The following MSH3 variants were observed in gnomAD, a reference collection of about 807,000 sequenced individuals.
The protein encoded by MSH3 is DNA mismatch repair protein Msh3.
MSH3 carries 106 observed loss-of-function variants against 123.3 expected under a neutral mutation model. That is an observed-to-expected ratio of 0.86 (90% confidence interval 0.73 to 1.01). The LOEUF (loss-of-function observed/expected upper bound fraction) is 1.01. Among genes scored for constraint, MSH3 ranks in the 50% least tolerant of loss-of-function variants. The probability of loss-of-function intolerance (pLI) is 0.00; values close to 1 mark genes in which losing one functional copy is unlikely to be tolerated. For synonymous variants in MSH3, 515 were observed against 481.4 expected, an observed-to-expected ratio of 1.07 and a Z score of -0.91; for missense variants, 1,459 against 1,347.6, an observed-to-expected ratio of 1.08 and a Z score of -1.29.
Position 80,761,679 on chromosome 5 carries a change from G to T in MSH3, c.1896+1G>T, listed in dbSNP as rs1330593620. On this transcript the variant is annotated splice_donor_variant, in intron 13 of 23. Coordinates refer to ENST00000265081, the MANE Select transcript of MSH3 (RefSeq NM_002439.5). LOFTEE classifies it high-confidence loss of function. ...ACTCTGTAGCATTTATCACAAAAAA[G>T]TAAGTGTGATAGAAATCTATTAAAG... is the stretch of plus-strand genomic sequence containing the variant. The T allele has an allele frequency of 6.2e-7, 1 of 1,614,038 alleles. No homozygotes were observed. Among genetic ancestry groups the T allele is most frequent in the Non-Finnish European group, 8.5e-7 (1 of 1,179,972 alleles).
At chr5:80,655,048 C>T (rs1749230445) in intron 1 of MSH3, 84 bp downstream of exon 1, 1 of 779,756 alleles carries the variant, frequency 1.3e-6, no homozygotes, top group Non-Finnish European at 1.9e-6. Context: ...CGGGGACCCT[C>T]CGCCCGATGA....
chr5:80,731,012 C>T (rs1339354341), intron 10 of MSH3, among the ~76,000 whole-genome samples: 2 of 150,610 alleles, frequency 1.3e-5, no homozygotes, highest in African/African-American at 2.4e-5. Context: ...AAGCAATTCT[C>T]CTGCCTCCAC....
intron 4 of MSH3, among the ~76,000 whole-genome samples, chr5:80,671,818 A>G (rs1425520341): frequency 1.3e-5 from 2 of 152,076 alleles, no homozygotes; most frequent in Non-Finnish European, 2.9e-5. Flanking sequence ...TTACTTTTTC[A>G]ATGATTTCTC....
At chr5:80,708,539 C>T (rs1750770428) in intron 8 of MSH3, among the ~76,000 whole-genome samples, 1 of 151,980 alleles carries the variant, frequency 6.6e-6, no homozygotes, top group African/African-American at 2.4e-5. Flanking sequence ...CTCTCTGCAT[C>T]CTTGAACTCC....
intron 8 of MSH3, among the ~76,000 whole-genome samples, chr5:80,710,111 T>C (rs1486516881): frequency 6.6e-6 from 1 of 152,270 alleles, no homozygotes; most frequent in Non-Finnish European, 1.5e-5. Context: ...TATTAGATAC[T>C]GTTTTAAAGG....
chr5:80,800,733 A>G (rs1423486324), intron 19 of MSH3, among the ~76,000 whole-genome samples: 1 of 152,164 alleles, frequency 6.6e-6, no homozygotes, highest in East Asian at 1.9e-4. Flanking sequence ...TGATCTATTT[A>G]TTGGGTGCCT....
intron 15 of MSH3, among the ~76,000 whole-genome samples, chr5:80,772,940 ACT>A (rs1744237036): frequency 6.6e-6 from 1 of 151,726 alleles, no homozygotes; most frequent in Non-Finnish European, 1.5e-5. Flanking sequence ...TGCCTTCCTG[ACT>A]CTCGCTGTTT....
chr5:80,777,284 CT>C (rs1318057970), intron 16 of MSH3, among the ~76,000 whole-genome samples: 1,858 of 146,242 alleles, frequency 0.013, 34 homozygotes, highest in African/African-American at 0.042. Flanking sequence ...CTAATACCAT[CT>C]TTTTTTTTTT....
chr5:80,765,564 A>G (rs1450285887), intron 13 of MSH3, among the ~76,000 whole-genome samples: 1 of 152,124 alleles, frequency 6.6e-6, no homozygotes, highest in Non-Finnish European at 1.5e-5. Context: ...ACTATCTATT[A>G]TGTGCCTTAT....
At chr5:80,731,207 T>G (rs542822982) in intron 10 of MSH3, among the ~76,000 whole-genome samples, 14 of 152,110 alleles carry the variant, frequency 9.2e-5, no homozygotes, top group Non-Finnish European at 1.3e-4. Context: ...CCGGCCTGTC[T>G]TCCTCATATT....
At chr5:80,756,729 A>AACAATTAT (rs1311310514) in intron 12 of MSH3, among the ~76,000 whole-genome samples, 14 of 152,196 alleles carry the variant, frequency 9.2e-5, no homozygotes, top group Non-Finnish European at 1.3e-4. Flanking sequence ...TAGACTAGCA[A>AACAATTAT]AGCTCTGTTA....
At chr5:80,833,813 A>G (rs533277649) in intron 20 of MSH3, among the ~76,000 whole-genome samples, 18 of 152,366 alleles carry the variant, frequency 1.2e-4, no homozygotes, top group African/African-American at 4.1e-4. Context: ...GCGCCCAGCC[A>G]TCTTAGGCAC....
At chr5:80,675,256 A>AT (rs1749815720) in intron 7 of MSH3, 128 bp downstream of exon 7, 2 of 1,087,604 alleles carry the variant, frequency 1.8e-6, no homozygotes, top group African/African-American at 1.6e-5. Flanking sequence ...CAAGAAAAAC[A>AT]TTTTTCTCAC....
chr5:80,828,666 T>C (rs933669634), intron 20 of MSH3, among the ~76,000 whole-genome samples: 19 of 152,130 alleles, frequency 1.2e-4, no homozygotes, highest in African/African-American at 3.4e-4. Flanking sequence ...CCAAAATAAA[T>C]GGTGGGACAG....
chr5:80,827,465 C>T (rs1745339133), intron 20 of MSH3, among the ~76,000 whole-genome samples: 1 of 152,192 alleles, frequency 6.6e-6, no homozygotes, highest in Non-Finnish European at 1.5e-5. Context: ...ATATTGAGCA[C>T]TGACTGTGGA....
chr5:80,676,686 C>G (rs971684506), intron 7 of MSH3, among the ~76,000 whole-genome samples: 1 of 152,122 alleles, frequency 6.6e-6, no homozygotes, highest in Non-Finnish European at 1.5e-5. Flanking sequence ...TGTTAGACAG[C>G]TCTAAATGAT....
In MSH3 at chr5:80,670,160, A is replaced by G; in HGVS notation, c.643A>G (p.Lys215Glu). Residue 215 changes from lysine to glutamate, a missense_variant, in exon 4 of 24, where the codon AAA becomes GAA. Transcript: ENST00000265081. Reference protein sequence around the residue: ...SSNTSHENLQKTASKSANKRS... With the variant: ...SSNTSHENLQETASKSANKRS... Reference sequence around the variant, plus strand: ...AAATACAAGTCATGAAAATTTACAGAAAACTGCTTCCAAATCAGCTAACAA... The same window carrying G: ...AAATACAAGTCATGAAAATTTACAGGAAACTGCTTCCAAATCAGCTAACAA... The G allele has an allele frequency of 1.2e-6, 2 of 1,614,194 alleles. No homozygotes were observed. The highest frequency in any genetic ancestry group is 1.7e-6 in the Non-Finnish European group (2 of 1,180,022).
At chr5:80,728,306 A>C (rs6151733) in intron 9 of MSH3, among the ~76,000 whole-genome samples, 1 of 152,352 alleles carries the variant, frequency 6.6e-6, no homozygotes, top group South Asian at 2.1e-4. Context: ...GTGAGACATG[A>C]AATTGATCAG....
chr5:80,694,361 C>T (rs1750422359), intron 8 of MSH3, among the ~76,000 whole-genome samples: 2 of 152,150 alleles, frequency 1.3e-5, no homozygotes, highest in Non-Finnish European at 2.9e-5. Flanking sequence ...TAACTTATCA[C>T]AGTGTACTTG....
Sources: allele counts gnomAD v4.1 joint callset (sites outside exome capture counted in the v4.1 genomes callset), GRCh38; gene constraint gnomAD v4.1.1; transcripts MANE v1.5; gene names NCBI Gene and HGNC (gene_info 2026-07-23, HGNC 2026-07-21).